Variants in SMAP1 observed in about 807,000 individuals in gnomAD.
The protein encoded by SMAP1 is stromal membrane-associated protein 1.
SMAP1 carries 24 observed loss-of-function variants against 58.5 expected under a neutral mutation model. That is an observed-to-expected ratio of 0.41 (90% CI 0.30 to 0.58). The LOEUF is 0.58. SMAP1 is among the 20% of genes least tolerant of loss of function. SMAP1 has a pLI of 0.29. For synonymous variants in SMAP1, 216 were observed against 196.6 expected, an observed-to-expected ratio of 1.10 and a Z score of -0.82; for missense variants, 563 against 566.3, an observed-to-expected ratio of 0.99 and a Z score of 0.06.
rs535327761 is a variant in SMAP1 at position 70,802,717 on chromosome 6, G to A, written c.576+3980G>A. 7.4e-4 allele frequency among the ~76,000 whole-genome samples: 112 copies of A among 152,128 alleles called. 1 individual carries two copies. Among genetic ancestry groups the A allele is most frequent in the Non-Finnish European group, 1.4e-3 (93 of 68,026 alleles). Reference sequence around the variant, plus strand: ...TTTATTGAGAGTTTTTAGCATGAAGGGCTGTTGAATTTTGTTGAAGGCCTT... The same window carrying A: ...TTTATTGAGAGTTTTTAGCATGAAGAGCTGTTGAATTTTGTTGAAGGCCTT... On this transcript the variant is annotated intron_variant, in intron 6 of 10. Coordinates refer to ENST00000370455, the MANE Select transcript of SMAP1 (RefSeq NM_001044305.3).
At chr6:70,766,840 A>C (rs928588235) in intron 3 of SMAP1, among the ~76,000 whole-genome samples, 5 of 152,072 alleles carry the variant, frequency 3.3e-5, no homozygotes, top group African/African-American at 1.2e-4. Context: ...GTCCTGAATG[A>C]TAATGCCTAG....
intron 4 of SMAP1, 136 bp from the exon 5 acceptor site, chr6:70,791,553 G>C: frequency 1.7e-6 from 1 of 602,704 alleles, no homozygotes; most frequent in Admixed American, 3.1e-5. Context: ...TTGATGCATT[G>C]TTTTACTTTA....
At chr6:70,788,091 G>A (rs370539914) in intron 4 of SMAP1, among the ~76,000 whole-genome samples, 262 of 151,174 alleles carry the variant, frequency 1.7e-3, no homozygotes, top group African/African-American at 4.9e-3. Flanking sequence ...AAAATGTGGC[G>A]CATATACACC....
intron 6 of SMAP1, among the ~76,000 whole-genome samples, chr6:70,825,499 G>A (rs1770076999): frequency 6.6e-6 from 1 of 151,998 alleles, no homozygotes; most frequent in South Asian, 2.1e-4. Flanking sequence ...GAGTGTTAAA[G>A]ATATAGCTGT....
At chr6:70,827,976 G>A (rs1770204430) in intron 6 of SMAP1, among the ~76,000 whole-genome samples, 1 of 151,974 alleles carries the variant, frequency 6.6e-6, no homozygotes, top group African/African-American at 2.4e-5. Context: ...GTAAACAGGA[G>A]AAAAAGAAAC....
At chr6:70,761,457 G>C (rs929278000) in intron 3 of SMAP1, among the ~76,000 whole-genome samples, 1 of 152,004 alleles carries the variant, frequency 6.6e-6, no homozygotes, top group Non-Finnish European at 1.5e-5. Context: ...GTATAACTAA[G>C]TCCTTATATC....
intron 7 of SMAP1, among the ~76,000 whole-genome samples, chr6:70,845,663 A>G (rs1770959552): frequency 6.6e-6 from 1 of 152,218 alleles, no homozygotes; most frequent in Admixed American, 6.5e-5. Flanking sequence ...ACCTTTGTAG[A>G]GGATCTTATG....
intron 3 of SMAP1, among the ~76,000 whole-genome samples, chr6:70,763,224 C>T (rs1311089557): frequency 1.4e-5 from 2 of 146,338 alleles, no homozygotes; most frequent in African/African-American, 5.1e-5. Flanking sequence ...CCATGTCACA[C>T]TTTGGTAGTT....
At chr6:70,838,159 T>TA (rs1038130974) in intron 7 of SMAP1, among the ~76,000 whole-genome samples, 8 of 151,768 alleles carry the variant, frequency 5.3e-5, no homozygotes, top group East Asian at 1.9e-4. Flanking sequence ...ATTATTAAAG[T>TA]AAAAAAAAAT....
intron 1 of SMAP1, chr6:70,668,550 G>C: frequency 6.5e-7 from 1 of 1,529,830 alleles, no homozygotes; most frequent in Non-Finnish European, 8.7e-7. Context: ...GTGGGGCCGC[G>C]CTTAGGTCTG....
intron 10 of SMAP1, chr6:70,859,481 G>A: frequency 9.4e-7 from 1 of 1,062,380 alleles, no homozygotes; most frequent in Non-Finnish European, 1.4e-6. Flanking sequence ...TTATGTTAGT[G>A]TCTTTGAAAC....
At chr6:70,790,202 G>A (rs1582194250) in intron 4 of SMAP1, among the ~76,000 whole-genome samples, 1 of 152,016 alleles carries the variant, frequency 6.6e-6, no homozygotes, top group Non-Finnish European at 1.5e-5. Context: ...GTGCAGTGGC[G>A]TGATCTTGGC....
intron 3 of SMAP1, among the ~76,000 whole-genome samples, chr6:70,762,060 C>T (rs937982100): frequency 6.6e-6 from 1 of 152,050 alleles, no homozygotes; most frequent in Non-Finnish European, 1.5e-5. Context: ...ACATTGGAGA[C>T]TATCTTCTTT....
intron 1 of SMAP1, among the ~76,000 whole-genome samples, chr6:70,728,973 T>G (rs1765298022): frequency 6.6e-6 from 1 of 152,228 alleles, no homozygotes; most frequent in African/African-American, 2.4e-5. Flanking sequence ...TACTCTTGAC[T>G]TCTTTGGAAT....
At chr6:70,786,584 C>A (rs1768042515) in intron 4 of SMAP1, among the ~76,000 whole-genome samples, 1 of 151,694 alleles carries the variant, frequency 6.6e-6, no homozygotes, top group African/African-American at 2.4e-5. Flanking sequence ...TCTCCTTAAG[C>A]TGATAAGCAA....
intron 1 of SMAP1, among the ~76,000 whole-genome samples, chr6:70,672,078 G>C (rs548690874): frequency 6.6e-6 from 1 of 152,184 alleles, no homozygotes; most frequent in Non-Finnish European, 1.5e-5. Context: ...CGCAGATCTT[G>C]ACTTGAAGAC....
At chr6:70,676,234 A>G (rs1002952476) in intron 1 of SMAP1, among the ~76,000 whole-genome samples, 2 of 152,224 alleles carry the variant, frequency 1.3e-5, no homozygotes, top group African/African-American at 4.8e-5. Context: ...AATCTTTTGA[A>G]TCTTCTTAGC....
intron 9 of SMAP1, 101 bp downstream of exon 9, chr6:70,857,131 T>G: frequency 8.4e-7 from 1 of 1,194,952 alleles, no homozygotes; most frequent in Non-Finnish European, 1.1e-6. Flanking sequence ...TTCCATGTAG[T>G]GAGTGCTTTT....
intron 5 of SMAP1, among the ~76,000 whole-genome samples, chr6:70,795,566 G>C (rs1292329842): frequency 6.6e-6 from 1 of 151,972 alleles, no homozygotes; most frequent in East Asian, 1.9e-4. Flanking sequence ...ATTCATGAAG[G>C]TTTCATCCTC....
Sources: allele counts gnomAD v4.1 joint callset (sites outside exome capture counted in the v4.1 genomes callset), GRCh38; gene constraint gnomAD v4.1.1; transcripts MANE v1.5; gene names NCBI Gene and HGNC (gene_info 2026-07-23, HGNC 2026-07-21).